Variants in KCNN2 observed in about 807,000 individuals in gnomAD.
KCNN2 encodes the protein small conductance calcium-activated potassium channel protein 2.
Under a neutral mutation model 55.5 loss-of-function variants are expected in KCNN2, and 24 were observed. The ratio of observed to expected loss-of-function variants is 0.43; its 90% CI spans 0.31 to 0.61. The LOEUF is 0.61. KCNN2 is among the 20% of genes least tolerant of loss of function. KCNN2 has a pLI of 0.08. For missense variants in KCNN2, 754 were observed against 853.6 expected (o/e 0.88, Z 1.45); for synonymous variants, 431 against 336.1 (o/e 1.28, Z -3.09).
At chr5:114,262,673 G>T (rs931778799) in intron 2 of KCNN2, among the ~76,000 whole-genome samples, 1 of 152,172 alleles carries the variant, frequency 6.6e-6, no homozygotes, top group African/African-American at 2.4e-5. Context: ...TAGAATAGCA[G>T]GTGAAACTTA....
At chr5:114,452,197 C>CT (rs1178053364) in intron 3 of KCNN2, among the ~76,000 whole-genome samples, 1 of 152,088 alleles carries the variant, frequency 6.6e-6, no homozygotes, top group Non-Finnish European at 1.5e-5. Context: ...ATACATAAAA[C>CT]TACAGCATTT....
chr5:114,332,607 T>C (rs1434661150), intron 2 of KCNN2, among the ~76,000 whole-genome samples: 1 of 152,186 alleles, frequency 6.6e-6, no homozygotes, highest in East Asian at 1.9e-4. Flanking sequence ...CCTGGGCTTC[T>C]GTCTGGCCAC....
intron 2 of KCNN2, among the ~76,000 whole-genome samples, chr5:114,308,944 ACT>A (rs1366494486): frequency 6.6e-6 from 1 of 152,118 alleles, no homozygotes; most frequent in African/African-American, 2.4e-5. Flanking sequence ...TGTTCTAACA[ACT>A]CTCTGTCAAA....
chr5:114,272,510 G>C (rs1025583585), intron 2 of KCNN2, among the ~76,000 whole-genome samples: 1 of 151,892 alleles, frequency 6.6e-6, no homozygotes, highest in Non-Finnish European at 1.5e-5. Flanking sequence ...ACATATGTAT[G>C]TACACACACA....
intron 1 of KCNN2, among the ~76,000 whole-genome samples, chr5:114,080,186 G>A (rs764373018): frequency 9.9e-5 from 15 of 152,158 alleles, no homozygotes; most frequent in Non-Finnish European, 2.1e-4. Context: ...ATATTCTACC[G>A]AATGGTTGTG....
At chr5:114,288,739 G>T (rs1477699068) in intron 2 of KCNN2, among the ~76,000 whole-genome samples, 3 of 152,004 alleles carry the variant, frequency 2.0e-5, no homozygotes, top group Admixed American at 6.6e-5. Flanking sequence ...TGAGTTGTAA[G>T]TATCTTTATA....
intron 7 of KCNN2, among the ~76,000 whole-genome samples, 190 bp from the exon 8 acceptor site, chr5:114,495,705 A>G (rs1561420884): frequency 6.6e-6 from 1 of 152,306 alleles, no homozygotes; most frequent in East Asian, 1.9e-4. Context: ...CAAAGATCTT[A>G]TATTTCGATT....
chr5:114,269,988 T>C (rs1399989735), intron 2 of KCNN2, among the ~76,000 whole-genome samples: 1 of 152,316 alleles, frequency 6.6e-6, no homozygotes. Context: ...TGGGTAATTA[T>C]AAGCTGTTCA....
At chr5:114,103,055 C>T (rs1250888909) in intron 1 of KCNN2, among the ~76,000 whole-genome samples, 1 of 152,120 alleles carries the variant, frequency 6.6e-6, no homozygotes, top group Non-Finnish European at 1.5e-5. Flanking sequence ...GATATTGATT[C>T]TTTCTATCCA....
chr5:114,425,308 G>A (rs967214455), intron 3 of KCNN2, among the ~76,000 whole-genome samples: 4 of 152,168 alleles, frequency 2.6e-5, no homozygotes, highest in African/African-American at 9.7e-5. Flanking sequence ...TATCATGCAT[G>A]TCTGAAGGGT....
chr5:114,376,572 CAT>C (rs1166574658), intron 2 of KCNN2, among the ~76,000 whole-genome samples: 1 of 152,198 alleles, frequency 6.6e-6, no homozygotes, highest in Non-Finnish European at 1.5e-5. Context: ...GCCCTTGTGA[CAT>C]ATGCTGTAGC....
intron 1 of KCNN2, among the ~76,000 whole-genome samples, chr5:114,197,011 T>C (rs1167927846): frequency 1.3e-5 from 2 of 152,160 alleles, no homozygotes; most frequent in East Asian, 3.9e-4. Context: ...CAGACTTAGC[T>C]GTACCCCATA....
chr5:114,320,193 A>G (rs1756587936), intron 2 of KCNN2, among the ~76,000 whole-genome samples: 1 of 152,226 alleles, frequency 6.6e-6, no homozygotes, highest in Admixed American at 6.5e-5. Flanking sequence ...TTCATAGAGT[A>G]AAATCAACAT....
intron 1 of KCNN2, among the ~76,000 whole-genome samples, chr5:114,168,165 G>GTA (rs1752957529): frequency 2.7e-5 from 2 of 72,784 alleles, no homozygotes; most frequent in Admixed American, 1.7e-4. Context: ...ATATATATGT[G>GTA]GATATATATA....
At chr5:114,205,553 A>G (rs920480436) in intron 1 of KCNN2, among the ~76,000 whole-genome samples, 4 of 152,232 alleles carry the variant, frequency 2.6e-5, no homozygotes, top group African/African-American at 4.8e-5. Flanking sequence ...TAGGTGGTAT[A>G]GAAGAGCAAA....
At chr5:114,144,825 G>A (rs567166314) in intron 1 of KCNN2, among the ~76,000 whole-genome samples, 59 of 141,560 alleles carry the variant, frequency 4.2e-4, no homozygotes, top group African/African-American at 1.4e-3. Flanking sequence ...GGGGGGAATA[G>A]GTTGTATGAG....
intron 1 of KCNN2, among the ~76,000 whole-genome samples, chr5:114,167,780 A>C (rs549581357): frequency 9.2e-5 from 14 of 152,284 alleles, no homozygotes; most frequent in African/African-American, 3.4e-4. Flanking sequence ...CACAATCAAG[A>C]CAGTGAATAT....
chr5:114,461,464 G>A (rs968978608), intron 3 of KCNN2, among the ~76,000 whole-genome samples: 1 of 152,096 alleles, frequency 6.6e-6, no homozygotes, highest in Non-Finnish European at 1.5e-5. Context: ...GATTCCAGGA[G>A]ATCAGTGATT....
intron 1 of KCNN2, among the ~76,000 whole-genome samples, chr5:114,169,660 G>A (rs929897124): frequency 1.3e-5 from 2 of 151,836 alleles, no homozygotes; most frequent in African/African-American, 4.8e-5. Flanking sequence ...TATGAGTTTT[G>A]GAATCTGACA....
Sources: allele counts gnomAD v4.1 joint callset (sites outside exome capture counted in the v4.1 genomes callset), GRCh38; gene constraint gnomAD v4.1.1; transcripts MANE v1.5; gene names NCBI Gene and HGNC (gene_info 2026-07-23, HGNC 2026-07-21).